NUP85: variants seen among roughly 807,000 people sequenced by gnomAD.
NUP85 encodes the protein nuclear pore complex protein Nup85.
Under a neutral mutation model 92.8 loss-of-function variants are expected in NUP85, and 23 were observed. The ratio of observed to expected loss-of-function variants is 0.25; its 90% confidence interval spans 0.18 to 0.35. NUP85 has a LOEUF of 0.35. NUP85 is among the 10% of genes least tolerant of loss of function. The pLI, the probability that NUP85 is intolerant of heterozygous loss-of-function variation, is 1.00. For missense variants in NUP85, 759 were observed against 822.8 expected (o/e 0.92, Z 0.95); for synonymous variants, 314 against 306.9 (o/e 1.02, Z -0.24).
intron 1 of NUP85, among the ~76,000 whole-genome samples, chr17:75,207,236 T>G (rs1598257171): frequency 6.6e-6 from 1 of 151,402 alleles, no homozygotes; most frequent in Non-Finnish European, 1.5e-5. Flanking sequence ...CAGGCTAGAG[T>G]GCAGTGGTGC....
chr17:75,212,710 G>A (rs1457964948), intron 4 of NUP85, among the ~76,000 whole-genome samples: 1 of 151,862 alleles, frequency 6.6e-6, no homozygotes, highest in Admixed American at 6.6e-5. Context: ...TTGTAGAAAC[G>A]GGGTCTCCCT....
Position 75,213,173 on chromosome 17 carries a change from A to G in NUP85, c.405+54A>G, listed in dbSNP as rs186303646. Reference sequence around the variant, plus strand: ...CACCACTGTGTCCTGTGTCCTGGGCACCCACCTGGGGTGGCTTTGCAGTTC... The same window carrying G: ...CACCACTGTGTCCTGTGTCCTGGGCGCCCACCTGGGGTGGCTTTGCAGTTC... On this transcript the variant is annotated intron_variant, in intron 5 of 18. Coordinates refer to ENST00000245544, the MANE Select transcript of NUP85 (RefSeq NM_024844.5). The G allele has an allele frequency of 1.2e-4, 186 of 1,573,724 alleles. No homozygotes were observed. In the African/African-American group the frequency reaches 2.4e-3, roughly 20 times the overall value.
chr17:75,216,747 A>G (rs1290435101), intron 6 of NUP85, among the ~76,000 whole-genome samples: 1 of 152,190 alleles, frequency 6.6e-6, no homozygotes, highest in Admixed American at 6.5e-5. Context: ...AGAAGTGAGG[A>G]ACTTGAAATT....
At chr17:75,228,877 G>A (rs1475860173) in intron 11 of NUP85, 3 of 985,336 alleles carry the variant, frequency 3.0e-6, no homozygotes, top group Non-Finnish European at 3.6e-6. Context: ...CGTCAGCCCT[G>A]CTAAAGGGCC....
At chr17:75,230,936 A>AATT (rs1555667199) in intron 11 of NUP85, among the ~76,000 whole-genome samples, 21 of 143,664 alleles carry the variant, frequency 1.5e-4, no homozygotes, top group African/African-American at 5.4e-4. Flanking sequence ...TTTCTGAGCG[A>AATT]TTTTTTTTTT....
intron 11 of NUP85, among the ~76,000 whole-genome samples, chr17:75,227,552 G>T (rs1598323440): frequency 6.6e-6 from 1 of 152,020 alleles, no homozygotes; most frequent in African/African-American, 2.4e-5. Context: ...GCCTAGGCAG[G>T]CTGGTCTGGA....
chr17:75,235,573 T>C lies in NUP85; in HGVS notation c.1870-5T>C, dbSNP rs2076303012. ...TAGCTCATGCTGGCGCTCTCTGCTT[T>C]GCAGGATGATGACATAGAGACCACC... On this transcript the variant is annotated splice_region_variant and splice_polypyrimidine_tract_variant and intron_variant, in intron 18 of 18. Coordinates refer to ENST00000245544, the MANE Select transcript of NUP85 (RefSeq NM_024844.5). 1.2e-6 allele frequency: 2 copies of C among 1,610,068 alleles called. No individual in the cohort carries two copies. The highest frequency in any genetic ancestry group is 2.2e-5 in the South Asian group (2 of 90,998).
intron 4 of NUP85, among the ~76,000 whole-genome samples, chr17:75,212,264 T>G (rs1568069745): frequency 0.02 from 576 of 28,856 alleles, 38 homozygotes; most frequent in African/African-American, 0.052. Flanking sequence ...TTTTTTTTTT[T>G]TTTTTTTTTT....
At chr17:75,227,344 T>G (rs1290524307) in intron 11 of NUP85, among the ~76,000 whole-genome samples, 1 of 148,400 alleles carries the variant, frequency 6.7e-6, no homozygotes, top group Non-Finnish European at 1.5e-5. Flanking sequence ...TTTTTTTTTT[T>G]TTTTTTTTGA....
intron 14 of NUP85, 109 bp from the exon 15 acceptor site, chr17:75,232,742 T>C: frequency 1.1e-6 from 1 of 893,178 alleles, no homozygotes; most frequent in Non-Finnish European, 1.9e-6. Flanking sequence ...GCCCAAAGAG[T>C]GGCTCTGCGG....
intron 7 of NUP85, among the ~76,000 whole-genome samples, chr17:75,222,976 A>G (rs568054037): frequency 1.8e-4 from 26 of 147,132 alleles, no homozygotes; most frequent in African/African-American, 6.5e-4. Context: ...TGGAGCTTGC[A>G]GTGAGCCGAG....
In NUP85 at chr17:75,233,685, G is replaced by A. The variant is rs868233639; in HGVS notation, c.1615+527G>A. Among the ~76,000 whole-genome samples the A allele has an allele frequency of 7.2e-4, 109 of 150,934 alleles. 3 individuals are homozygous for A. The highest frequency in any genetic ancestry group is 2.1e-3 in the African/African-American group (87 of 41,052). Reference sequence around the variant, plus strand: ...GTGATCTCGGCTCACTGCAACCCCCGCCTCCCGGGTCCAAGCAATTCTCCT... The same window carrying A: ...GTGATCTCGGCTCACTGCAACCCCCACCTCCCGGGTCCAAGCAATTCTCCT... On this transcript the variant is annotated intron_variant, in intron 16 of 18. Coordinates refer to ENST00000245544, the MANE Select transcript of NUP85 (RefSeq NM_024844.5).
intron 3 of NUP85, among the ~76,000 whole-genome samples, chr17:75,211,340 G>A (rs1364366675): frequency 1.3e-5 from 2 of 151,820 alleles, no homozygotes; most frequent in South Asian, 4.2e-4. Flanking sequence ...GGAGAATATT[G>A]GTGAGTTTGA....
At chr17:75,212,101 TGTGTGTGTG>T in intron 4 of NUP85, 39 bp downstream of exon 4, 2 of 1,426,708 alleles carry the variant, frequency 1.4e-6, no homozygotes, top group East Asian at 2.4e-5. Context: ...TGTGTGTGTG[TGTGTGTGTG>T]GGTATTTTGA....
At chr17:75,228,480 G>A (rs2075910171) in intron 11 of NUP85, 2 of 985,406 alleles carry the variant, frequency 2.0e-6, no homozygotes, top group African/African-American at 1.7e-5. Flanking sequence ...CTTGTCCCAG[G>A]AATTGTGAAA....
chr17:75,234,144 C>G (rs368298870), intron 16 of NUP85, among the ~76,000 whole-genome samples: 1 of 151,746 alleles, frequency 6.6e-6, no homozygotes, highest in Non-Finnish European at 1.5e-5. Flanking sequence ...CTCCACCTCC[C>G]GGGTTCAAGC....
chr17:75,235,464 T>C, intron 18 of NUP85, 114 bp from the exon 19 acceptor site: 1 of 715,304 alleles, frequency 1.4e-6, no homozygotes, highest in Non-Finnish European at 2.4e-6. Context: ...GATAATTTGC[T>C]GGAAGCTACT....
chr17:75,214,548 C>T (rs2075369927), intron 5 of NUP85, among the ~76,000 whole-genome samples: 2 of 152,200 alleles, frequency 1.3e-5, no homozygotes, highest in South Asian at 4.1e-4. Context: ...AAATGAAGCA[C>T]CTTGCTAAAG....
intron 3 of NUP85, among the ~76,000 whole-genome samples, chr17:75,211,110 C>G (rs1219755550): frequency 1.3e-5 from 2 of 149,068 alleles, no homozygotes; most frequent in Non-Finnish European, 3.0e-5. Context: ...TGAAGCCATT[C>G]TCCTGCCTCA....
Sources: gnomAD v4.1 joint callset for allele counts (sites outside exome capture counted in the v4.1 genomes callset) on GRCh38, gnomAD v4.1.1 for gene constraint, MANE v1.5 for transcripts, NCBI Gene and HGNC (gene_info 2026-07-23, HGNC 2026-07-21) for gene names.